The following LRP2 variants were observed in gnomAD, a reference collection of about 807,000 sequenced individuals.
LRP2 encodes the protein low-density lipoprotein receptor-related protein 2.
Under a neutral mutation model 531.0 loss-of-function variants are expected in LRP2, and 172 were observed. The observed-to-expected ratio is 0.32, with a 90% confidence interval of 0.29 to 0.37. The LOEUF (loss-of-function observed/expected upper bound fraction) is 0.37, where lower values mean the gene tolerates loss of function less well. LRP2 is among the 10% of genes least tolerant of loss of function. The pLI is 1.00. For synonymous variants in LRP2, 1,992 were observed against 2,027.6 expected, an observed-to-expected ratio of 0.98 and a Z score of 0.47; for missense variants, 5,167 against 5,868.3, an observed-to-expected ratio of 0.88 and a Z score of 3.90.
At position 169,292,403 on chromosome 2, in the gene LRP2, C is replaced by T. The variant is rs772007445; in HGVS notation, c.653-34G>A. ...AAGCAACAGCTGCACTCCAAAGACACAAATCACCGGGAAAAACTGAAAGTG... is the reference window on the plus strand; with the variant it reads ...AAGCAACAGCTGCACTCCAAAGACATAAATCACCGGGAAAAACTGAAAGTG... On this transcript the variant is annotated intron_variant, in intron 6 of 78. Coordinates refer to ENST00000649046, the MANE Select transcript of LRP2 (RefSeq NM_004525.3). 6 of 1,372,314 alleles carry T rather than the reference C, an allele frequency of 4.4e-6. No individual in the cohort carries two copies. The South Asian group carries it at 5.8e-5, about 13-fold the overall frequency. The allele number at this position is 1,372,314 out of a possible 1,614,324, so 85.0% of individuals were successfully genotyped here.
rs1321855185 is a variant in LRP2, at chr2:169,193,890, G to C, written c.8701C>G (p.His2901Asp). The C allele has an allele frequency of 6.2e-7, 1 of 1,614,128 alleles. No individual in the cohort carries two copies. The highest frequency in any genetic ancestry group is 8.5e-7 in the Non-Finnish European group (1 of 1,180,006). The change falls in exon 47 of 79, where the codon CAC (histidine) becomes GAC (aspartate). Residue 2901 changes from histidine to aspartate, a missense_variant and splice_region_variant. Coordinates refer to ENST00000649046, the MANE Select transcript of LRP2 (RefSeq NM_004525.3). ...DASDEPASCG[H>D]SERTCLADEF... ...TCAGCTAGGCATGTTCGCTCAGAGT[G>C]ACCTGAAAAGATCAATAGCATTCTC... is the stretch of plus-strand genomic sequence containing the variant.
At chr2:169,361,588 C>T (rs148524101) in intron 1 of LRP2, among the ~76,000 whole-genome samples, 7 of 152,198 alleles carry the variant, frequency 4.6e-5, no homozygotes, top group African/African-American at 1.7e-4. Flanking sequence ...TATCGGACAA[C>T]TTGAGAGAAG....
At chr2:169,191,788 G>A (rs747346270) in intron 48 of LRP2, 44 bp downstream of exon 48, 1 of 1,561,096 alleles carries the variant, frequency 6.4e-7, no homozygotes, top group Non-Finnish European at 8.8e-7. Flanking sequence ...CAGCCCCCAT[G>A]GACATTTGAG....
chr2:169,170,152 G>A (rs1686940692), intron 59 of LRP2, among the ~76,000 whole-genome samples: 1 of 152,128 alleles, frequency 6.6e-6, no homozygotes, highest in African/African-American at 2.4e-5. Context: ...AAATTACTTT[G>A]GGTTTAGGAT....
At chr2:169,145,608 G>T in intron 70 of LRP2, 139 bp downstream of exon 70, 1 of 820,586 alleles carries the variant, frequency 1.2e-6, no homozygotes, top group Non-Finnish European at 2.0e-6. Context: ...CCCAGCAAAC[G>T]TACATACACA....
chr2:169,269,426 A>G (rs1683337278), intron 16 of LRP2, among the ~76,000 whole-genome samples: 1 of 152,236 alleles, frequency 6.6e-6, no homozygotes, highest in Non-Finnish European at 1.5e-5. Flanking sequence ...ATGGAACAGA[A>G]TAGAGTCCTC....
In LRP2 at chr2:169,243,025, A is replaced by G. The variant is rs752289217; in HGVS notation, c.3598T>C (p.Cys1200Arg). The G allele has an allele frequency of 1.2e-6, 2 of 1,614,042 alleles. No individual in the cohort carries two copies. The highest frequency in any genetic ancestry group is 1.7e-5 in the Admixed American group (1 of 60,004). Residue 1200 changes from cysteine to arginine, a missense_variant, in exon 24 of 79, where the codon TGT (cysteine) becomes CGT (arginine). By Grantham distance (180) the Cys-to-Arg change is radical. Transcript: ENST00000649046. The part of the protein sequence containing the change: ...SQFKCASGDK[C>R]IGVTNRCDGV... ...TCACAACGATTTGTGACGCCAATAC[A>G]TTTATCCCCACTGGCACACTTGAAT...
chr2:169,151,150 G>A lies in LRP2; in HGVS notation c.12462-124C>T. The A allele has an allele frequency of 2.1e-6, 2 of 974,694 alleles. 1 individual carries two copies. Among genetic ancestry groups the A allele is most frequent in the South Asian group, 2.6e-5 (2 of 77,638 alleles). The allele number at this position is 974,694 out of a possible 1,614,324, so 60.4% of individuals were successfully genotyped here. ...ACAGCTGCTCAGATACCTATCATCA[G>A]ACCATAGTCCCCCTCTCTTGGGGGA... On this transcript the variant is annotated intron_variant, in intron 67 of 78. Transcript: ENST00000649046.
chr2:169,186,093 A>T, intron 49 of LRP2, 74 bp from the exon 50 acceptor site: 1 of 1,324,804 alleles, frequency 7.5e-7, no homozygotes, highest in Non-Finnish European at 1.1e-6. Context: ...CAAAGTCAAC[A>T]TTTCTACTAA....
intron 42 of LRP2, 112 bp downstream of exon 42, chr2:169,203,870 T>C (rs1688285867): frequency 2.6e-6 from 3 of 1,150,364 alleles, no homozygotes; most frequent in African/African-American, 3.0e-5. Flanking sequence ...TAAATTACCC[T>C]GACATCAAGG....
chr2:169,137,575 A>C, intron 75 of LRP2, 82 bp from the exon 76 acceptor site: 1 of 923,660 alleles, frequency 1.1e-6, no homozygotes, highest in South Asian at 1.3e-5. Context: ...TGGTTCACAC[A>C]CAAAGAAAGG....
intron 3 of LRP2, among the ~76,000 whole-genome samples, chr2:169,317,017 A>G (rs778577667): frequency 2.6e-5 from 4 of 152,180 alleles, no homozygotes; most frequent in African/African-American, 4.8e-5. Flanking sequence ...TTATCTGGTA[A>G]CTTTAGTGAA....
chr2:169,199,818 T>C (rs549104000), intron 44 of LRP2, among the ~76,000 whole-genome samples: 2 of 152,344 alleles, frequency 1.3e-5, no homozygotes, highest in South Asian at 2.1e-4. Flanking sequence ...GAAATTATTA[T>C]AGGCATTTTG....
At chr2:169,361,384 CTCTCTCTCTCTG>C (rs1415512030) in intron 1 of LRP2, among the ~76,000 whole-genome samples, 216 of 142,772 alleles carry the variant, frequency 1.5e-3, no homozygotes, top group African/African-American at 5.1e-3. Context: ...CTCCCTCTCT[CTCTCTCTCTCTG>C]TCTCTCTCCT....
intron 16 of LRP2, among the ~76,000 whole-genome samples, chr2:169,259,736 C>A (rs830981): frequency 0.89 from 133,302 of 150,396 alleles, 59,933 homozygotes; most frequent in East Asian, 0.98. Context: ...TGATTAAAAA[C>A]AACAACAACA....
Position 169,294,673 on chromosome 2 carries a change from C to T in LRP2, c.465G>A (p.Gly155=). 1 of 1,604,348 alleles carries T rather than the reference C, an allele frequency of 6.2e-7. No individual in the cohort carries two copies. Among genetic ancestry groups the T allele is most frequent in the Middle Eastern group, 1.8e-4 (1 of 5,620 alleles). ...ACTTCTGACTGGTGTTATAGCAGGCCCCATTGTCACAAGTAAGCTGCTCAC... is the reference window on the plus strand; with the variant it reads ...ACTTCTGACTGGTGTTATAGCAGGCTCCATTGTCACAAGTAAGCTGCTCAC... ...PTCEQLTCDN[G]ACYNTSQKCD... Residue 155 remains glycine (G), a synonymous_variant, in exon 5 of 79, where the codon GGG becomes GGA. Transcript: ENST00000649046.
At chr2:169,193,072 G>A (rs188464335) in intron 47 of LRP2, among the ~76,000 whole-genome samples, 99 of 152,210 alleles carry the variant, frequency 6.5e-4, no homozygotes, top group African/African-American at 2.2e-3. Flanking sequence ...CCTCCATGCC[G>A]CTTTAAGGTG....
In LRP2 at chr2:169,243,153, A is replaced by G. The variant is rs531863085; in HGVS notation, c.3551-81T>C. On this transcript the variant is annotated intron_variant, in intron 23 of 78. Coordinates refer to ENST00000649046, the MANE Select transcript of LRP2 (RefSeq NM_004525.3). ...ACTGAGATTTTTCTTTTTTGTTGTT[A>G]TACTTTAAGTTCTGGAGTACATATG... 3 of 1,193,864 alleles carry G rather than the reference A, an allele frequency of 2.5e-6. No homozygotes were observed. The African/African-American group carries it at 4.5e-5, about 18-fold the overall frequency. The allele number at this position is 1,193,864 out of a possible 1,614,324, so 74.0% of individuals were successfully genotyped here.
chr2:169,345,503 G>A, intron 1 of LRP2, among the ~76,000 whole-genome samples: 1 of 152,284 alleles, frequency 6.6e-6, no homozygotes, highest in African/African-American at 2.4e-5. Flanking sequence ...TATTGGGAGG[G>A]TGTGGCCACA....
Sources: allele counts gnomAD v4.1 joint callset (sites outside exome capture counted in the v4.1 genomes callset), GRCh38; gene constraint gnomAD v4.1.1; transcripts MANE v1.5; gene names NCBI Gene and HGNC (gene_info 2026-07-23, HGNC 2026-07-21).